MGAT4C: variants seen among roughly 807,000 people sequenced by gnomAD.
MGAT4C encodes MGAT4 family member C.
Under a neutral mutation model 40.1 loss-of-function variants are expected in MGAT4C, and 19 were observed. The observed-to-expected ratio is 0.47, with a 90% CI of 0.33 to 0.70. The LOEUF (loss-of-function observed/expected upper bound fraction) is 0.70, where lower values mean the gene tolerates loss of function less well. MGAT4C is among the 30% of genes least tolerant of loss of function. The pLI, the probability that MGAT4C is intolerant of heterozygous loss-of-function variation, is 0.02. For synonymous variants in MGAT4C, 181 were observed against 187.1 expected, an observed-to-expected ratio of 0.97 and a Z score of 0.27; for missense variants, 491 against 563.2, an observed-to-expected ratio of 0.87 and a Z score of 1.30.
chr12:86,057,695 C>T (rs1893543279), intron 1 of MGAT4C, among the ~76,000 whole-genome samples: 1 of 152,048 alleles, frequency 6.6e-6, no homozygotes, highest in African/African-American at 2.4e-5. Context: ...CAGTATCTAC[C>T]CAACGCTGTA....
chr12:86,671,559 C>A (rs1283869438), intron 2 of MGAT4C, among the ~76,000 whole-genome samples: 2 of 152,172 alleles, frequency 1.3e-5, no homozygotes, highest in Admixed American at 6.5e-5. Context: ...ATAAGAAACA[C>A]ATTTGATCTA....
chr12:86,282,355 T>C (rs1953239107), intron 4 of MGAT4C, among the ~76,000 whole-genome samples: 1 of 152,138 alleles, frequency 6.6e-6, no homozygotes, highest in Admixed American at 6.6e-5. Flanking sequence ...TATCTGTTGT[T>C]AAACCTAATC....
chr12:86,195,108 C>T (rs946576307), intron 1 of MGAT4C, among the ~76,000 whole-genome samples: 1 of 152,134 alleles, frequency 6.6e-6, no homozygotes, highest in East Asian at 1.9e-4. Flanking sequence ...CTTATTTTCA[C>T]TTTTCTTATC....
chr12:86,557,461 AC>A (rs895678041), intron 2 of MGAT4C, among the ~76,000 whole-genome samples: 4 of 152,084 alleles, frequency 2.6e-5, no homozygotes, highest in African/African-American at 9.7e-5. Flanking sequence ...ATACCCATGC[AC>A]ATTATCTGGG....
At position 86,166,175 on chromosome 12, in the gene MGAT4C, G is replaced by A. The variant is rs116519329; in HGVS notation, c.-57+90064C>T. Among the ~76,000 whole-genome samples, 829 of 152,146 alleles carry A rather than the reference G, an allele frequency of 5.4e-3. 9 individuals are homozygous for A. The highest frequency in any genetic ancestry group is 0.019 in the African/African-American group (791 of 41,510). On this transcript the variant is annotated intron_variant, in intron 1 of 4. Transcript: ENST00000611864. ...GAACAAGTAGACCACATATATAGAAGTATAGTCAACTGTAATAAATTTAAA... is the reference window on the plus strand; with the variant it reads ...GAACAAGTAGACCACATATATAGAAATATAGTCAACTGTAATAAATTTAAA...
chr12:86,073,104 G>C (rs926136127), intron 1 of MGAT4C, among the ~76,000 whole-genome samples: 4 of 152,100 alleles, frequency 2.6e-5, no homozygotes, highest in Admixed American at 6.6e-5. Flanking sequence ...TTGAATCATG[G>C]GGGTGGTTTT....
chr12:86,618,609 A>G (rs1962535639), intron 2 of MGAT4C, among the ~76,000 whole-genome samples: 1 of 152,162 alleles, frequency 6.6e-6, no homozygotes, highest in Non-Finnish European at 1.5e-5. Context: ...TCACTCATAC[A>G]TGAGAGTTAA....
intron 1 of MGAT4C, among the ~76,000 whole-genome samples, chr12:86,074,621 T>C (rs957303489): frequency 1.3e-5 from 2 of 152,150 alleles, no homozygotes; most frequent in African/African-American, 4.8e-5. Context: ...TATTAGCTTG[T>C]TTTCATGCTG....
rs559928721 is a variant in MGAT4C, at chr12:86,468,142, A to G, written c.-228-32877T>C. ...ACTGTCTTCTTGGCTTTTCCACTAAATATATCTAAAATAAAACTCCTCATT... is the reference window on the plus strand; with the variant it reads ...ACTGTCTTCTTGGCTTTTCCACTAAGTATATCTAAAATAAAACTCCTCATT... On this transcript the variant is annotated intron_variant, in intron 2 of 7. Transcript: ENST00000548651. Among the ~76,000 whole-genome samples, 5 of 152,178 alleles carry G rather than the reference A, an allele frequency of 3.3e-5. No individual in the cohort carries two copies. In the South Asian group the frequency reaches 1.0e-3, roughly 32 times the overall value.
chr12:86,518,721 A>G (rs571147082), intron 2 of MGAT4C, among the ~76,000 whole-genome samples: 10 of 152,338 alleles, frequency 6.6e-5, no homozygotes, highest in African/African-American at 1.9e-4. Context: ...TTGCTCAAAA[A>G]GACTTGCACA....
At chr12:86,150,626 A>C (rs1884154039) in intron 1 of MGAT4C, among the ~76,000 whole-genome samples, 1 of 152,214 alleles carries the variant, frequency 6.6e-6, no homozygotes, top group Admixed American at 6.5e-5. Flanking sequence ...TGGATGGTGC[A>C]GTATGTGGTG....
At chr12:86,175,377 A>T (rs778738817) in intron 1 of MGAT4C, among the ~76,000 whole-genome samples, 12 of 152,168 alleles carry the variant, frequency 7.9e-5, no homozygotes, top group Non-Finnish European at 1.8e-4. Context: ...TTGCTTTTAC[A>T]TCCTAAATTT....
At chr12:86,785,571 T>C (rs1224559129) in intron 1 of MGAT4C, among the ~76,000 whole-genome samples, 2 of 151,936 alleles carry the variant, frequency 1.3e-5, no homozygotes, top group African/African-American at 4.8e-5. Flanking sequence ...AAACCTTTTT[T>C]ATGTTTTAGT....
intron 4 of MGAT4C, among the ~76,000 whole-genome samples, chr12:86,323,969 C>A (rs188543303): frequency 6.6e-6 from 1 of 151,880 alleles, no homozygotes; most frequent in African/African-American, 2.4e-5. Context: ...ACTATGTATT[C>A]TTATATAAGC....
In MGAT4C at chr12:85,962,830, T is replaced by TG. The variant is rs1320996975; in HGVS notation, c.*16458dup. 3 of 151,602 alleles carry TG rather than the reference T, an allele frequency of 2.0e-5. No homozygotes were observed. The highest frequency in any genetic ancestry group is 7.2e-5 in the African/African-American group (3 of 41,416). The allele number at this position is 151,602 out of a possible 1,614,324, so 9.4% of individuals were successfully genotyped here. On this transcript the variant is annotated 3_prime_UTR_variant, in exon 5 of 5. Coordinates refer to ENST00000611864, the MANE Select transcript of MGAT4C (RefSeq NM_001351288.2). ...TTTTTGTTCCACTCATTAAATAACA[T>TG]GGTAAGACTGTTGTGTAATTGACTG... is the stretch of plus-strand genomic sequence containing the variant.
At chr12:86,341,939 T>A (rs1267490811) in intron 3 of MGAT4C, among the ~76,000 whole-genome samples, 1 of 152,082 alleles carries the variant, frequency 6.6e-6, no homozygotes, top group Non-Finnish European at 1.5e-5. Flanking sequence ...CCTTTGAGCA[T>A]TGGAGTGCCT....
At chr12:86,120,345 C>T (rs1468269692) in intron 1 of MGAT4C, among the ~76,000 whole-genome samples, 1 of 152,134 alleles carries the variant, frequency 6.6e-6, no homozygotes, top group African/African-American at 2.4e-5. Context: ...GCAGCAGAAA[C>T]TTCTGCAGAC....
chr12:86,615,853 G>T (rs571341300), intron 2 of MGAT4C, among the ~76,000 whole-genome samples: 12 of 152,094 alleles, frequency 7.9e-5, no homozygotes, highest in Admixed American at 3.3e-4. Context: ...AATAGATCAG[G>T]CTCAGTCTGG....
At chr12:86,002,779 G>A (rs916378800) in intron 2 of MGAT4C, among the ~76,000 whole-genome samples, 2 of 151,040 alleles carry the variant, frequency 1.3e-5, no homozygotes, top group Non-Finnish European at 2.9e-5. Flanking sequence ...ATCTGTGGAT[G>A]GTATTATCAA....
Sources: allele counts gnomAD v4.1 joint callset (sites outside exome capture counted in the v4.1 genomes callset), GRCh38; gene constraint gnomAD v4.1.1; transcripts MANE v1.5; gene names NCBI Gene and HGNC (gene_info 2026-07-23, HGNC 2026-07-21).